Variants in PEG3 observed in about 807,000 individuals in gnomAD.
PEG3 encodes the protein paternally expressed 3.
In PEG3, 23 loss-of-function variants were observed where a neutral mutation model predicts 35.5. The observed-to-expected ratio is 0.65, with a 90% confidence interval of 0.47 to 0.92. The LOEUF is 0.92. Ranked by LOEUF, PEG3 falls within the 40% of genes least tolerant of loss-of-function variation. The probability of loss-of-function intolerance (pLI) is 0.00; values close to 1 mark genes in which losing one functional copy is unlikely to be tolerated. For missense variants in PEG3, 1,960 were observed against 1,985.3 expected (o/e 0.99, Z 0.24); for synonymous variants, 707 against 697.0 (o/e 1.01, Z -0.23).
At position 56,816,589 on chromosome 19, in the gene PEG3, T is replaced by C; in HGVS notation, c.1853A>G (p.Gln618Arg). 1 of 1,614,042 alleles carries C rather than the reference T, an allele frequency of 6.2e-7. No individual in the cohort carries two copies. The highest frequency in any genetic ancestry group is 1.6e-4 in the Middle Eastern group (1 of 6,062). The change falls in exon 10 of 10, where the codon CAG becomes CGG. Residue 618 changes from glutamine (Q) to arginine (R), a missense_variant. Transcript: ENST00000326441. ...FRPSPALNEF[Q>R]KMYGKEKMYE... The stretch of plus-strand genomic sequence containing the variant: ...CATTTTCTCTTTACCATACATTTTC[T>C]GAAACTCATTAAGGGCTGGGCTGGG...
rs2059515609 is a variant in PEG3, at chr19:56,811,155, A to C, written c.*2520T>G. On this transcript the variant is annotated 3_prime_UTR_variant, in exon 10 of 10. Coordinates refer to ENST00000326441, the MANE Select transcript of PEG3 (RefSeq NM_006210.3). ...AAGTGTGTGATAATGAGTTCAAATT[A>C]TGTTCACAATGAAAATGTGATCATA... The C allele has an allele frequency of 1.0e-6, 1 of 980,020 alleles. No individual in the cohort carries two copies. Among genetic ancestry groups the C allele is most frequent in the African/African-American group, 1.8e-5 (1 of 57,134 alleles). The allele number at this position is 980,020 out of a possible 1,614,324, so 60.7% of individuals were successfully genotyped here.
At chr19:56,819,955 A>G (rs189029805) in intron 7 of PEG3, among the ~76,000 whole-genome samples, 70 of 152,352 alleles carry the variant, frequency 4.6e-4, no homozygotes, top group African/African-American at 1.6e-3. Flanking sequence ...TCCTGCCACA[A>G]AAAAGCAGAA....
At chr19:56,823,827 G>T in intron 4 of PEG3, 148 bp from the exon 5 acceptor site, 1 of 961,722 alleles carries the variant, frequency 1.0e-6, no homozygotes, top group Non-Finnish European at 1.6e-6. Context: ...ACCCTTCAGC[G>T]GCTTCCAACC....
intron 5 of PEG3, among the ~76,000 whole-genome samples, chr19:56,823,372 C>T (rs1396694692): frequency 6.6e-5 from 10 of 152,120 alleles, no homozygotes; most frequent in Admixed American, 1.3e-4. Flanking sequence ...TATACTTTAT[C>T]GTTGAATAAA....
rs1291712866 is a variant in PEG3, at chr19:56,812,486, T to G, written c.*1189A>C. The G allele has an allele frequency of 1.0e-6, 1 of 985,120 alleles. No individual in the cohort carries two copies. Among genetic ancestry groups the G allele is most frequent in the Non-Finnish European group, 1.2e-6 (1 of 829,552 alleles). The allele number at this position is 985,120 out of a possible 1,614,324, so 61.0% of individuals were successfully genotyped here. ...CAGATAAATAACGAAGAGAATTAAGTTAGCGATAGAAAGATCTAAGGATAC... is the reference window on the plus strand; with the variant it reads ...CAGATAAATAACGAAGAGAATTAAGGTAGCGATAGAAAGATCTAAGGATAC... On this transcript the variant is annotated 3_prime_UTR_variant, in exon 10 of 10. Coordinates refer to ENST00000326441, the MANE Select transcript of PEG3 (RefSeq NM_006210.3).
chr19:56,818,943 A>C (rs1022680978), intron 7 of PEG3, among the ~76,000 whole-genome samples: 1 of 152,210 alleles, frequency 6.6e-6, no homozygotes. Context: ...CATGCAGCTT[A>C]TAATTTGGTT....
At chr19:56,829,485 C>T (rs948620486) in intron 2 of PEG3, among the ~76,000 whole-genome samples, 9 of 152,036 alleles carry the variant, frequency 5.9e-5, no homozygotes, top group African/African-American at 9.7e-5. Flanking sequence ...TGGGAAGGGA[C>T]GAGCACCACT....
chr19:56,822,884 C>A, intron 5 of PEG3, 48 bp from the exon 6 acceptor site: 1 of 1,585,214 alleles, frequency 6.3e-7, no homozygotes, highest in South Asian at 1.1e-5. Context: ...TTTGACACAC[C>A]TGTTTTCCCT....
chr19:56,813,909 T>C lies in PEG3; in HGVS notation c.4533A>G (p.Thr1511=), dbSNP rs2059724664. Reference sequence around the variant, plus strand: ...ATGCTGTGCTGGAAGTGAAGGTTTCTGTGCATTCATGGCAGTCATAGTATG... The same window carrying C: ...ATGCTGTGCTGGAAGTGAAGGTTTCCGTGCATTCATGGCAGTCATAGTATG... ...EEPYYDCHEC[T]ETFTSSTAFS... The change falls in exon 10 of 10, where the codon ACA becomes ACG. Residue 1511 remains threonine, a synonymous_variant. Transcript: ENST00000326441. 6.2e-7 allele frequency: 1 copy of C among 1,614,104 alleles called. No individual in the cohort carries two copies. Among genetic ancestry groups the C allele is most frequent in the Non-Finnish European group, 8.5e-7 (1 of 1,180,026 alleles).
In PEG3 at chr19:56,824,418, G is replaced by A. The variant is rs773746910; in HGVS notation, c.238C>T (p.Arg80Cys). The A allele has an allele frequency of 4.5e-5, 72 of 1,614,008 alleles. No individual in the cohort carries two copies. The highest frequency in any genetic ancestry group is 5.4e-5 in the Non-Finnish European group (64 of 1,180,026). The change falls in exon 4 of 10, where the codon CGC becomes TGC. Residue 80 changes from arginine (R) to cysteine (C), a missense_variant. Coordinates refer to ENST00000326441, the MANE Select transcript of PEG3 (RefSeq NM_006210.3). ...LCLDWLQPET[R>C]TKEEIIELLV... ...AGCTCGATGATCTCCTCCTTGGTGC[G>A]GGTCTCCGGCTGCAACCAATCGAGG...
rs1347735245 is a variant in PEG3, at chr19:56,813,518, G to A, written c.*157C>T. ...TTAAGACTGTGGAATCTGCACATTC[G>A]GTCTCTTTTCAATCTGAGTTTAGAG... On this transcript the variant is annotated 3_prime_UTR_variant, in exon 10 of 10. Transcript: ENST00000326441. The A allele has an allele frequency of 3.5e-6, 5 of 1,433,086 alleles. No individual in the cohort carries two copies. The highest frequency in any genetic ancestry group is 3.1e-5 in the South Asian group (2 of 64,330). The allele number at this position is 1,433,086 out of a possible 1,614,324, so 88.8% of individuals were successfully genotyped here.
chr19:56,817,559 C>A lies in PEG3; in HGVS notation c.883G>T (p.Ala295Ser). Residue 295 changes from alanine (A) to serine (S), a missense_variant, in exon 10 of 10, where the codon GCC (alanine) becomes TCC (serine). Ala to Ser is a moderately conservative substitution (Grantham distance 99, BLOSUM62 1). Coordinates refer to ENST00000326441, the MANE Select transcript of PEG3 (RefSeq NM_006210.3). ...CCCCGCCGGTGGGTTGATTTTTTGG[C>A]TTCAGGCATAGTTTTTAGACCTGGA... is the stretch of plus-strand genomic sequence containing the variant. ...TSRGLKTMPE[A>S]KKSTHRRGIC... 6.3e-7 allele frequency: 1 copy of A among 1,592,974 alleles called. No individual in the cohort carries two copies. Among genetic ancestry groups the A allele is most frequent in the Non-Finnish European group, 8.6e-7 (1 of 1,168,770 alleles).
intron 1 of PEG3, among the ~76,000 whole-genome samples, chr19:56,839,409 G>A (rs2062683016): frequency 6.6e-6 from 1 of 151,206 alleles, no homozygotes. Context: ...CATCAAACAT[G>A]GCGTCCAAGC....
chr19:56,825,801 G>A (rs961550519), intron 3 of PEG3, among the ~76,000 whole-genome samples: 6 of 152,172 alleles, frequency 3.9e-5, no homozygotes, highest in Non-Finnish European at 8.8e-5. Context: ...AGGAAAGCAA[G>A]TTTAAATTTT....
chr19:56,832,371 C>T (rs1362841197), intron 2 of PEG3, among the ~76,000 whole-genome samples: 1 of 152,090 alleles, frequency 6.6e-6, no homozygotes, highest in African/African-American at 2.4e-5. Flanking sequence ...TCTCCAGTGA[C>T]TGTACCACAG....
chr19:56,822,076 C>T (rs916906889), intron 6 of PEG3, among the ~76,000 whole-genome samples: 1 of 152,154 alleles, frequency 6.6e-6, no homozygotes, highest in Non-Finnish European at 1.5e-5. Flanking sequence ...CTGGGTCTCC[C>T]CAGCTGCAAT....
Position 56,810,316 on chromosome 19 carries a change from G to A in PEG3, c.*3359C>T. 1 of 983,514 alleles carries A rather than the reference G, an allele frequency of 1.0e-6. No individual in the cohort carries two copies. The highest frequency in any genetic ancestry group is 1.2e-6 in the Non-Finnish European group (1 of 828,234). 60.9% of individuals were successfully genotyped at this position (983,514 alleles called of 1,614,324 possible). On this transcript the variant is annotated 3_prime_UTR_variant, in exon 10 of 10. Coordinates refer to ENST00000326441, the MANE Select transcript of PEG3 (RefSeq NM_006210.3). ...AATGGAAATATATGTAGTAAAGGTG[G>A]ACTACCAAAACACTAGAATGATGAC...
In PEG3 at chr19:56,816,879, A is replaced by G. The variant is rs1220978767; in HGVS notation, c.1563T>C (p.Ala521=). The G allele has an allele frequency of 6.2e-7, 1 of 1,614,190 alleles. No homozygotes were observed. The change falls in exon 10 of 10, where the codon GCT becomes GCC. Residue 521 remains alanine, a synonymous_variant. Transcript: ENST00000326441. Reference sequence around the variant, plus strand: ...CTCTAGCATGAATCTTCCGATGTTCAGCCAAGGCGGCACTCTTATTGAAGG... The same window carrying G: ...CTCTAGCATGAATCTTCCGATGTTCGGCCAAGGCGGCACTCTTATTGAAGG... The part of the protein sequence containing the change: ...GETFNKSAAL[A]EHRKIHARGY...
At position 56,812,836 on chromosome 19, in the gene PEG3, A is replaced by G; in HGVS notation, c.*839T>C. ...AGTTGGTTAAAAAAAAAAAAAACCC[A>G]GAACACAAATGTGTAATATTTTTGC... On this transcript the variant is annotated 3_prime_UTR_variant, in exon 10 of 10. Transcript: ENST00000326441. The G allele has an allele frequency of 1.0e-6, 1 of 976,492 alleles. No homozygotes were observed. The highest frequency in any genetic ancestry group is 1.2e-6 in the Non-Finnish European group (1 of 823,488). The allele number at this position is 976,492 out of a possible 1,614,324, so 60.5% of individuals were successfully genotyped here. A position where few individuals can be genotyped will look rare whatever the true frequency, so the allele number is the denominator to read the frequency against.
Sources: gnomAD v4.1 joint callset for allele counts (sites outside exome capture counted in the v4.1 genomes callset) on GRCh38, gnomAD v4.1.1 for gene constraint, MANE v1.5 for transcripts, NCBI Gene and HGNC (gene_info 2026-07-23, HGNC 2026-07-21) for gene names.